SYNE1: variants seen among roughly 807,000 people sequenced by gnomAD.
SYNE1 encodes nesprin-1.
SYNE1 carries 616 observed loss-of-function variants against 1,111.0 expected under a neutral mutation model. That is an observed-to-expected ratio of 0.55 (90% CI 0.52 to 0.59). SYNE1 has a LOEUF of 0.59. Ranked by LOEUF, SYNE1 falls within the 20% of genes least tolerant of loss-of-function variation. SYNE1 has a pLI of 0.00. For synonymous variants in SYNE1, 3,855 were observed against 3,825.8 expected (o/e 1.01, Z -0.28); for missense variants, 10,006 against 10,417.0 (o/e 0.96, Z 1.72).
intron 3 of SYNE1, among the ~76,000 whole-genome samples, chr6:152,592,838 C>G (rs1442891628): frequency 1.3e-5 from 2 of 152,126 alleles, no homozygotes; most frequent in Non-Finnish European, 2.9e-5. Flanking sequence ...CTTATATAAT[C>G]ATCTGTGTAT....
intron 98 of SYNE1, among the ~76,000 whole-genome samples, chr6:152,272,592 C>A (rs1247940104): frequency 6.6e-6 from 1 of 152,170 alleles, no homozygotes; most frequent in Non-Finnish European, 1.5e-5. Flanking sequence ...GGAGATCTTA[C>A]TACATGCCCT....
chr6:152,310,552 G>A, intron 88 of SYNE1, 34 bp from the exon 89 acceptor site: 1 of 1,613,528 alleles, frequency 6.2e-7, no homozygotes, highest in Non-Finnish European at 8.5e-7. Flanking sequence ...TGTACTTGAA[G>A]TTCAAAGCCA....
At chr6:152,164,015 C>T (rs1466961533) in intron 131 of SYNE1, 148 bp downstream of exon 131, 2 of 1,069,092 alleles carry the variant, frequency 1.9e-6, no homozygotes, top group Non-Finnish European at 2.8e-6. Context: ...CAATCGCCTG[C>T]CTAGGCAAAG....
At chr6:152,252,312 T>TA (rs2089569047) in intron 104 of SYNE1, among the ~76,000 whole-genome samples, 4 of 151,380 alleles carry the variant, frequency 2.6e-5, no homozygotes, top group Non-Finnish European at 5.9e-5. Flanking sequence ...AATAATAAAA[T>TA]AAATAAAATC....
Position 152,317,000 on chromosome 6 carries a change from A to C in SYNE1, c.16573-14T>G, listed in dbSNP as rs2095741574. ...ATGTGATGCTGCCTGAAAAACCAGT[A>C]ACATTAATGTAACAAATGTAAACTC... is the stretch of plus-strand genomic sequence containing the variant. On this transcript the variant is annotated splice_polypyrimidine_tract_variant and intron_variant, in intron 86 of 145. Transcript: ENST00000367255. 1.7e-5 allele frequency: 27 copies of C among 1,613,560 alleles called. No individual in the cohort carries two copies. Among genetic ancestry groups the C allele is most frequent in the Non-Finnish European group, 2.2e-5 (26 of 1,179,948 alleles).
At chr6:152,358,623 G>C in intron 65 of SYNE1, 86 bp from the exon 66 acceptor site, 4 of 1,353,912 alleles carry the variant, frequency 3.0e-6, no homozygotes, top group Non-Finnish European at 3.1e-6. Context: ...TGTAATTTTA[G>C]AAAAGTATAA....
At chr6:152,283,909 A>G in intron 96 of SYNE1, 69 bp downstream of exon 96, 1 of 1,266,712 alleles carries the variant, frequency 7.9e-7, no homozygotes, top group Admixed American at 1.7e-5. Flanking sequence ...TAAGTAACCC[A>G]CATACTTGGT....
chr6:152,141,917 A>G (rs564866217), intron 138 of SYNE1, among the ~76,000 whole-genome samples: 1 of 152,112 alleles, frequency 6.6e-6, no homozygotes, highest in Non-Finnish European at 1.5e-5. Flanking sequence ...AAAATATTTT[A>G]AAAATGAGCC....
chr6:152,553,323 A>G (rs1346087213), intron 3 of SYNE1, among the ~76,000 whole-genome samples: 4 of 152,142 alleles, frequency 2.6e-5, no homozygotes, highest in Admixed American at 2.0e-4. Context: ...ATCACAACCT[A>G]TCTGGAGATA....
At chr6:152,269,853 T>C (rs1195973515) in intron 98 of SYNE1, among the ~76,000 whole-genome samples, 2 of 152,200 alleles carry the variant, frequency 1.3e-5, no homozygotes, top group East Asian at 3.9e-4. Context: ...GGCATCATAC[T>C]CTCTGGAATT....
intron 129 of SYNE1, among the ~76,000 whole-genome samples, chr6:152,179,637 GGCCTTTTTAT>G (rs2067378807): frequency 8.0e-6 from 1 of 124,970 alleles, no homozygotes; most frequent in South Asian, 3.2e-4. Context: ...GTGTAAAGCA[GGCCTTTTTAT>G]GCAAGTTTAT....
chr6:152,374,495 C>A (rs2097246726), intron 58 of SYNE1, among the ~76,000 whole-genome samples: 1 of 152,144 alleles, frequency 6.6e-6, no homozygotes, highest in Admixed American at 6.6e-5. Context: ...CAGTACTAGC[C>A]ATGTGTGGTG....
intron 3 of SYNE1, among the ~76,000 whole-genome samples, chr6:152,584,190 T>G (rs1283862203): frequency 6.6e-6 from 1 of 151,964 alleles, no homozygotes; most frequent in Non-Finnish European, 1.5e-5. Context: ...GAGATTTAAA[T>G]AAGATGACAC....
intron 66 of SYNE1, among the ~76,000 whole-genome samples, chr6:152,357,454 TA>T (rs1229899020): frequency 6.6e-6 from 1 of 152,212 alleles, no homozygotes; most frequent in Non-Finnish European, 1.5e-5. Context: ...GGCACATTTG[TA>T]AGTTCCAACA....
rs368595825 is a variant in SYNE1 at position 152,224,421 on chromosome 6, G to A, written c.21522+73C>T. On this transcript the variant is annotated intron_variant, in intron 117 of 145. Transcript: ENST00000367255. ...ACATATGGCAATATTTCAGGATGATGTCTCCATTTGGTAATTTTTCAGTTT... is the reference window on the plus strand; with the variant it reads ...ACATATGGCAATATTTCAGGATGATATCTCCATTTGGTAATTTTTCAGTTT... 22 of 1,281,376 alleles carry A rather than the reference G, an allele frequency of 1.7e-5. No homozygotes were observed. The South Asian group carries it at 2.2e-4, about 13-fold the overall frequency. The allele number at this position is 1,281,376 out of a possible 1,614,324, so 79.4% of individuals were successfully genotyped here. A position where few individuals can be genotyped will look rare whatever the true frequency, so the allele number is the denominator to read the frequency against.
intron 95 of SYNE1, among the ~76,000 whole-genome samples, chr6:152,291,546 A>G (rs2094606668): frequency 6.6e-6 from 1 of 152,202 alleles, no homozygotes. Flanking sequence ...TTTGCTCCAC[A>G]TTCAGTTTAT....
intron 91 of SYNE1, among the ~76,000 whole-genome samples, chr6:152,308,270 C>A (rs1406891555): frequency 6.6e-6 from 1 of 152,134 alleles, no homozygotes; most frequent in Non-Finnish European, 1.5e-5. Flanking sequence ...ATAATACGAA[C>A]AACGTGTAGA....
chr6:152,288,606 G>A (rs543798331), intron 95 of SYNE1, among the ~76,000 whole-genome samples: 111 of 152,280 alleles, frequency 7.3e-4, no homozygotes, highest in African/African-American at 2.6e-3. Context: ...GAGTGCAGTG[G>A]CACGATCTCA....
At chr6:152,167,938 A>G (rs371197783) in intron 130 of SYNE1, 10 of 773,082 alleles carry the variant, frequency 1.3e-5, no homozygotes, top group Non-Finnish European at 2.2e-5. Context: ...GGTACTAGAA[A>G]ACAAACCAAC....
Sources: gnomAD v4.1 joint callset for allele counts (sites outside exome capture counted in the v4.1 genomes callset) on GRCh38, gnomAD v4.1.1 for gene constraint, MANE v1.5 for transcripts, NCBI Gene and HGNC (gene_info 2026-07-23, HGNC 2026-07-21) for gene names.